Variants in OTC observed in about 807,000 individuals in gnomAD.
OTC encodes ornithine transcarbamylase, also known as ornithine transcarbamylase, mitochondrial.
A neutral mutation model predicts 30.3 loss-of-function variants in OTC; 3 were observed. The ratio of observed to expected loss-of-function variants is 0.10; its 90% CI spans 0.05 to 0.26. The LOEUF (loss-of-function observed/expected upper bound fraction) is 0.26, where lower values mean the gene tolerates loss of function less well. OTC is among the 10% of genes least tolerant of loss of function. The pLI is 1.00. For synonymous variants in OTC, 111 were observed against 99.7 expected (o/e 1.11, Z -0.67); for missense variants, 194 against 260.3 (o/e 0.75, Z 1.75).
intron 4 of OTC, among the ~76,000 whole-genome samples, chrX:38,393,405 T>A (rs2068438589): frequency 8.9e-6 from 1 of 112,658 alleles, no homozygotes; most frequent in Non-Finnish European, 1.9e-5. Flanking sequence ...TTTGTTTTTT[T>A]ATTCTTAAAT....
intron 4 of OTC, among the ~76,000 whole-genome samples, chrX:38,389,025 C>T (rs1219704501): frequency 9.0e-6 from 1 of 111,592 alleles, no homozygotes; most frequent in Non-Finnish European, 1.9e-5. Flanking sequence ...TTCAGTCATC[C>T]TTGGCATTCC....
At chrX:38,403,775 T>C (rs769406649) in intron 6 of OTC, 35 bp downstream of exon 6, 2 of 1,193,356 alleles carry the variant, frequency 1.7e-6, no homozygotes, top group Non-Finnish European at 2.3e-6. Flanking sequence ...CTAACCCCTC[T>C]CTTAAATCAT....
At chrX:38,336,155 G>A in the OTC span, among the ~76,000 whole-genome samples, 1 of 111,240 alleles carries the variant, frequency 9.0e-6, no homozygotes, top group Admixed American at 9.6e-5. Flanking sequence ...AGGGATAACA[G>A]CATTAGACCT....
In OTC at chrX:38,370,938, T is replaced by C. The variant is rs1367775535; in HGVS notation, c.298+1061T>C. The stretch of plus-strand genomic sequence containing the variant: ...AAGGCTGCCTCTACTCTATTGTTCC[T>C]TCCTCATGCTGGGTGCCATGGAGCT... On this transcript the variant is annotated intron_variant, in intron 3 of 9. Transcript: ENST00000039007. 4.5e-5 allele frequency among the ~76,000 whole-genome samples: 5 copies of C among 111,074 alleles called. No individual in the cohort carries two copies. In the South Asian group the frequency reaches 1.2e-3, roughly 26 times the overall value.
the OTC span, among the ~76,000 whole-genome samples, chrX:38,333,305 G>A: frequency 0.032 from 3,534 of 110,407 alleles, 97 homozygotes; most frequent in African/African-American, 0.091. Flanking sequence ...GCTGGATTTA[G>A]TGTCATGTGC....
intron 3 of OTC, 141 bp from the exon 4 acceptor site, chrX:38,381,201 G>A: frequency 4.3e-6 from 2 of 462,462 alleles, no homozygotes; most frequent in Non-Finnish European, 7.5e-6. Context: ...ATTTTGCTTT[G>A]CATGGGAATT....
Position 38,415,734 on chromosome X carries a change from A to T in OTC, c.1005+3735A>T, listed in dbSNP as rs746795543. 2.0e-4 allele frequency among the ~76,000 whole-genome samples: 22 copies of T among 111,214 alleles called. No individual in the cohort carries two copies. The South Asian group carries it at 5.5e-3, about 28-fold the overall frequency. On this transcript the variant is annotated intron_variant, in intron 9 of 9. Coordinates refer to ENST00000039007, the MANE Select transcript of OTC (RefSeq NM_000531.6). ...GCCTGGCATGGTGGCGCACATCTGTAATCCCAGCTACTCAGGAGGCTGAGG... is the reference window on the plus strand; with the variant it reads ...GCCTGGCATGGTGGCGCACATCTGTTATCCCAGCTACTCAGGAGGCTGAGG...
intron 4 of OTC, among the ~76,000 whole-genome samples, chrX:38,387,964 C>T (rs190186872): frequency 7.2e-5 from 8 of 111,742 alleles, no homozygotes; most frequent in African/African-American, 2.6e-4. Flanking sequence ...CCACCCTTCT[C>T]ATTTCTGGGA....
the OTC span, among the ~76,000 whole-genome samples, chrX:38,342,113 G>A: frequency 9.6e-6 from 1 of 104,583 alleles, no homozygotes; most frequent in Non-Finnish European, 2.0e-5. Context: ...TCCGCCTCCC[G>A]GGTTCAAGCA....
At chrX:38,375,314 T>G (rs1450581864) in intron 3 of OTC, among the ~76,000 whole-genome samples, 4 of 112,170 alleles carry the variant, frequency 3.6e-5, no homozygotes, top group Non-Finnish European at 7.5e-5. Context: ...TTTGGCTTTT[T>G]GGGGAATCGT....
chrX:38,341,504 A>G, the OTC span, among the ~76,000 whole-genome samples: 1 of 112,040 alleles, frequency 8.9e-6, no homozygotes. Context: ...AGTTGTTTCC[A>G]TGTCCCCTGT....
At position 38,421,203 on chromosome X, in the gene OTC, C is replaced by T. The variant is rs2068593876; in HGVS notation, c.*121C>T. 9.5e-6 allele frequency: 5 copies of T among 526,566 alleles called. No individual in the cohort carries two copies. Among genetic ancestry groups the T allele is most frequent in the Middle Eastern group, 3.4e-4 (1 of 2,952 alleles). The allele number at this position is 526,566 out of a possible 1,213,427, so 43.4% of individuals were successfully genotyped here. A position where few individuals can be genotyped will look rare whatever the true frequency, so the allele number is the denominator to read the frequency against. ...TCCCTAACACGTGGTATGGGTGAAC[C>T]GTATGATATGCTTTGCCATTGTGAA... On this transcript the variant is annotated 3_prime_UTR_variant, in exon 10 of 10. Coordinates refer to ENST00000039007, the MANE Select transcript of OTC (RefSeq NM_000531.6).
In OTC at chrX:38,421,397, A is replaced by G. The variant is rs988513292; in HGVS notation, c.*315A>G. The G allele has an allele frequency of 4.1e-6, 1 of 243,483 alleles. No homozygotes were observed. Among genetic ancestry groups the G allele is most frequent in the Non-Finnish European group, 7.5e-6 (1 of 134,206 alleles). 20.1% of individuals were successfully genotyped at this position (243,483 alleles called of 1,213,427 possible). On this transcript the variant is annotated 3_prime_UTR_variant, in exon 10 of 10. Coordinates refer to ENST00000039007, the MANE Select transcript of OTC (RefSeq NM_000531.6). ...GTTCATAATGTATAATGTCTAAGCC[A>G]TTAAGTGTAATCTATGCTTATTACC...
intron 1 of OTC, among the ~76,000 whole-genome samples, chrX:38,360,812 A>G (rs1457492668): frequency 8.9e-6 from 1 of 112,551 alleles, no homozygotes; most frequent in Non-Finnish European, 1.9e-5. Context: ...CTAACTCTTC[A>G]GTCTACAAAT....
At chrX:38,356,666 C>T (rs1470720710) in intron 1 of OTC, among the ~76,000 whole-genome samples, 6 of 110,169 alleles carry the variant, frequency 5.4e-5, no homozygotes, top group Non-Finnish European at 9.5e-5. Context: ...AAGAATCAGT[C>T]AGGGGAGTGT....
intron 3 of OTC, among the ~76,000 whole-genome samples, chrX:38,371,886 C>T (rs1203323462): frequency 1.8e-5 from 2 of 112,386 alleles, no homozygotes; most frequent in African/African-American, 6.5e-5. Context: ...TCAAATTCTG[C>T]TCCCTTTCAA....
At chrX:38,359,714 C>A (rs1043266369) in intron 1 of OTC, among the ~76,000 whole-genome samples, 3 of 111,232 alleles carry the variant, frequency 2.7e-5, no homozygotes, top group African/African-American at 9.8e-5. Flanking sequence ...AGCCACCGCA[C>A]CCGGCTGAAG....
At chrX:38,336,111 T>C in the OTC span, among the ~76,000 whole-genome samples, 12 of 111,063 alleles carry the variant, frequency 1.1e-4, no homozygotes, top group Non-Finnish European at 1.7e-4. Context: ...TGGAAGGAGA[T>C]TGGGGCAACC....
the OTC span, among the ~76,000 whole-genome samples, chrX:38,327,961 G>A: frequency 8.9e-6 from 1 of 112,686 alleles, no homozygotes; most frequent in Non-Finnish European, 1.9e-5. Context: ...TTGGACAAAT[G>A]AGTACTATTA....
Sources: allele counts gnomAD v4.1 joint callset (sites outside exome capture counted in the v4.1 genomes callset), GRCh38; gene constraint gnomAD v4.1.1; transcripts MANE v1.5; gene names NCBI Gene and HGNC (gene_info 2026-07-23, HGNC 2026-07-21).